CECR2: variants seen among roughly 807,000 people sequenced by gnomAD.
CECR2 encodes chromatin remodeling regulator CECR2.
CECR2 carries 30 observed loss-of-function variants against 154.5 expected under a neutral mutation model. That is an observed-to-expected ratio of 0.19 (90% CI 0.15 to 0.26). CECR2 has a LOEUF of 0.26. CECR2 is among the 10% of genes least tolerant of loss of function. The pLI is 1.00. For missense variants in CECR2, 1,743 were observed against 1,829.3 expected (o/e 0.95, Z 0.86); for synonymous variants, 725 against 683.7 (o/e 1.06, Z -0.94).
chr22:17,403,527 T>C (rs2053928387), intron 1 of CECR2, among the ~76,000 whole-genome samples: 1 of 152,220 alleles, frequency 6.6e-6, no homozygotes. Context: ...CAGTAGTGAA[T>C]AAGGGGCTCT....
intron 1 of CECR2, among the ~76,000 whole-genome samples, chr22:17,400,172 G>A (rs538639200): frequency 3.9e-5 from 6 of 152,278 alleles, no homozygotes; most frequent in Middle Eastern, 3.4e-3. Context: ...GTGTGACTTA[G>A]GAATTGGGTA....
chr22:17,464,393 G>A (rs5747183), intron 1 of CECR2, among the ~76,000 whole-genome samples: 16,296 of 152,216 alleles, frequency 0.11, 1,076 homozygotes, highest in African/African-American at 0.18. Context: ...TTGACAGAGG[G>A]CATCTTTGCT....
intron 3 of CECR2, among the ~76,000 whole-genome samples, chr22:17,498,777 A>AT (rs2055679902): frequency 2.2e-5 from 1 of 44,486 alleles, no homozygotes; most frequent in African/African-American, 9.5e-5. Flanking sequence ...GTGTGCTCAC[A>AT]TAAAACAACC....
chr22:17,375,031 T>C (rs1194551833), intron 1 of CECR2, among the ~76,000 whole-genome samples: 2 of 152,120 alleles, frequency 1.3e-5, no homozygotes, highest in African/African-American at 2.4e-5. Context: ...CTCTTAATAG[T>C]GTGGGGTACA....
In CECR2 at chr22:17,556,997, C is replaced by G. The variant is rs924492751; in HGVS notation, c.*4157C>G. 6.6e-6 allele frequency: 1 copy of G among 152,152 alleles called. No individual in the cohort carries two copies. The highest frequency in any genetic ancestry group is 2.4e-5 in the African/African-American group (1 of 41,426). The allele number at this position is 152,152 out of a possible 1,614,324, so 9.4% of individuals were successfully genotyped here. The stretch of plus-strand genomic sequence containing the variant: ...TGCATAGCACAAAGAATGTGATTGC[C>G]ATTTGCTGCGTGAGAAAAAGCTGGG... On this transcript the variant is annotated 3_prime_UTR_variant, in exon 19 of 19. Transcript: ENST00000262608.
At chr22:17,414,465 T>G (rs1404124567) in intron 1 of CECR2, among the ~76,000 whole-genome samples, 1 of 151,490 alleles carries the variant, frequency 6.6e-6, no homozygotes. Context: ...TCTTTTTTTT[T>G]TTTTTAGAAC....
At chr22:17,499,278 C>T (rs545588222) in intron 3 of CECR2, 132 bp from the exon 4 acceptor site, 34 of 1,081,258 alleles carry the variant, frequency 3.1e-5, no homozygotes, top group East Asian at 8.6e-5. Context: ...CGTGAGCCAC[C>T]ACGCCCAGCG....
intron 2 of CECR2, among the ~76,000 whole-genome samples, chr22:17,484,442 T>A (rs1385685673): frequency 6.6e-6 from 1 of 152,224 alleles, no homozygotes; most frequent in Non-Finnish European, 1.5e-5. Context: ...TGACTGTGTC[T>A]TATTAGAACT....
chr22:17,542,032 C>T, intron 15 of CECR2, 65 bp downstream of exon 15: 1 of 1,580,870 alleles, frequency 6.3e-7, no homozygotes, highest in Non-Finnish European at 8.6e-7. Flanking sequence ...GAGAAAAAGT[C>T]TCTTTCCAGG....
Position 17,404,364 on chromosome 22 carries a change from C to CCT in CECR2, c.126+34455_126+34456insCT, listed in dbSNP as rs781954770. 1.7e-3 allele frequency among the ~76,000 whole-genome samples: 99 copies of CCT among 59,632 alleles called. 10 individuals are homozygous for CCT. The highest frequency in any genetic ancestry group is 7.0e-3 in the African/African-American group (93 of 13,322). 39.1% of individuals were successfully genotyped at this position (59,632 alleles called of 152,430 possible). A position where few individuals can be genotyped will look rare whatever the true frequency, so the allele number is the denominator to read the frequency against. ...TGTGGGTTCATTTCTGGACCCTGTT[C>CCT]TTTCTTTTTTTTTTTTTTTTTTTTT... On this transcript the variant is annotated intron_variant, in intron 1 of 18. Transcript: ENST00000262608.
At chr22:17,418,715 T>C in intron 1 of CECR2, 2 of 520,614 alleles carry the variant, frequency 3.8e-6, no homozygotes, top group African/African-American at 2.0e-5. Flanking sequence ...GGCGATGGAT[T>C]TGGGCAAAGA....
At chr22:17,442,273 T>A (rs765384726) in intron 1 of CECR2, among the ~76,000 whole-genome samples, 1 of 152,068 alleles carries the variant, frequency 6.6e-6, no homozygotes, top group Non-Finnish European at 1.5e-5. Flanking sequence ...TATTAAAAAA[T>A]GCAGATCAGG....
chr22:17,453,923 T>C lies in CECR2; in HGVS notation c.127-23665T>C, dbSNP rs369238208. 2.0e-5 allele frequency among the ~76,000 whole-genome samples: 3 copies of C among 152,306 alleles called. No homozygotes were observed. The East Asian group carries it at 5.8e-4, about 29-fold the overall frequency. ...TTTATGGCACCGGGAAACAAGCATT[T>C]CAAACAGCTGGAAATGGTCAGAGTG... On this transcript the variant is annotated intron_variant, in intron 1 of 18. Coordinates refer to ENST00000262608, the MANE Select transcript of CECR2 (RefSeq NM_001290047.2).
At chr22:17,514,894 G>C (rs1318937454) in intron 8 of CECR2, among the ~76,000 whole-genome samples, 1 of 152,004 alleles carries the variant, frequency 6.6e-6, no homozygotes, top group Non-Finnish European at 1.5e-5. Flanking sequence ...TTAGCTGGGC[G>C]TGGTGGTGGG....
intron 16 of CECR2, among the ~76,000 whole-genome samples, chr22:17,543,783 C>T (rs976112300): frequency 1.3e-5 from 2 of 152,108 alleles, no homozygotes; most frequent in Non-Finnish European, 2.9e-5. Context: ...TGGTCTTGAA[C>T]GTCTGACCTC....
At chr22:17,453,426 G>T (rs148068558) in intron 1 of CECR2, among the ~76,000 whole-genome samples, 4,298 of 152,156 alleles carry the variant, frequency 0.028, 197 homozygotes, top group African/African-American at 0.097. Flanking sequence ...TGGGCAACAA[G>T]AGCGAAATTC....
intron 7 of CECR2, among the ~76,000 whole-genome samples, chr22:17,510,952 C>A (rs762632674): frequency 2.2e-4 from 33 of 152,166 alleles, no homozygotes; most frequent in Non-Finnish European, 2.9e-5. Context: ...AATGTACCCC[C>A]GTGGCTTTGC....
rs960200515 is a variant in CECR2 at position 17,504,936 on chromosome 22, A to T, written c.790A>T (p.Thr264Ser). ...GGTCACCGAGAGTTTTCGCGAGAGG[A>T]CCTCCCTTCGAGAACGGCAGCTCTA... ...RQVTESFRER[T>S]SLRERQLYKL... The change falls in exon 7 of 19, where the codon ACC becomes TCC. Residue 264 changes from threonine (T) to serine (S), a missense_variant. By Grantham distance (58) the Thr-to-Ser change is moderately conservative. Coordinates refer to ENST00000262608, the MANE Select transcript of CECR2 (RefSeq NM_001290047.2). 3 of 1,612,642 alleles carry T rather than the reference A, an allele frequency of 1.9e-6. No individual in the cohort carries two copies. Among genetic ancestry groups the T allele is most frequent in the Non-Finnish European group, 2.5e-6 (3 of 1,179,596 alleles).
In CECR2 at chr22:17,543,014, C is replaced by T. The variant is rs770388829; in HGVS notation, c.2860+11C>T. ...CTGAGAATGACCAAGGTAATTTACA[C>T]TGTCACTTTGGGCTCTTTAAGCTCT... On this transcript the variant is annotated intron_variant, in intron 16 of 18. Transcript: ENST00000262608. 2 of 1,588,930 alleles carry T rather than the reference C, an allele frequency of 1.3e-6. No individual in the cohort carries two copies. The highest frequency in any genetic ancestry group is 1.3e-5 in the African/African-American group (1 of 74,506).
Sources: allele counts gnomAD v4.1 joint callset (sites outside exome capture counted in the v4.1 genomes callset), GRCh38; gene constraint gnomAD v4.1.1; transcripts MANE v1.5; gene names NCBI Gene and HGNC (gene_info 2026-07-23, HGNC 2026-07-21).